Variants in CCDC12 observed in about 807,000 individuals in gnomAD.
CCDC12 encodes the protein coiled-coil domain-containing protein 12.
CCDC12 carries 28 observed loss-of-function variants against 25.7 expected under a neutral mutation model. The observed-to-expected ratio is 1.09, with a 90% CI of 0.81 to 1.50. CCDC12 has a LOEUF of 1.50. Among genes scored for constraint, CCDC12 ranks in the 40% most tolerant of loss-of-function variants. The pLI is 0.00. For synonymous variants in CCDC12, 75 were observed against 87.7 expected (o/e 0.86, Z 0.81); for missense variants, 198 against 210.0 (o/e 0.94, Z 0.35).
At position 46,940,988 on chromosome 3, in the gene CCDC12, C is replaced by A. The variant is rs192037561; in HGVS notation, c.164+10G>T. 1.2e-6 allele frequency: 2 copies of A among 1,613,590 alleles called. No individual in the cohort carries two copies. The highest frequency in any genetic ancestry group is 8.5e-7 in the Non-Finnish European group (1 of 1,179,480). ...AGAGAGCAGACCCTGGAGCTGCACA[C>A]GGGCATTACCTGTGCTTCTCGCCTT... is the stretch of plus-strand genomic sequence containing the variant. On this transcript the variant is annotated intron_variant, in intron 2 of 6. Coordinates refer to ENST00000683445, the MANE Select transcript of CCDC12 (RefSeq NM_001277074.2).
At chr3:46,965,370 G>A (rs2034608428) in intron 1 of CCDC12, among the ~76,000 whole-genome samples, 1 of 152,198 alleles carries the variant, frequency 6.6e-6, no homozygotes, top group African/African-American at 2.4e-5. Flanking sequence ...CAGCAAGAAA[G>A]AGGAACCTTG....
At position 46,928,428 on chromosome 3, in the gene CCDC12, G is replaced by C. The variant is rs184875406; in HGVS notation, c.165-2893C>G. Among the ~76,000 whole-genome samples the C allele has an allele frequency of 9.2e-5, 14 of 152,318 alleles. 1 individual carries two copies. Among genetic ancestry groups the C allele is most frequent in the Admixed American group, 9.1e-4 (14 of 15,304 alleles). ...AGCTGAAAAGCTGAGAGACTGAGCAGAGCTTCCCATTAGGTTGATGCAAAA... is the reference window on the plus strand; with the variant it reads ...AGCTGAAAAGCTGAGAGACTGAGCACAGCTTCCCATTAGGTTGATGCAAAA... On this transcript the variant is annotated intron_variant, in intron 2 of 6. Coordinates refer to ENST00000683445, the MANE Select transcript of CCDC12 (RefSeq NM_001277074.2).
At position 46,963,920 on chromosome 3, in the gene CCDC12, G is replaced by A. The variant is rs959689025; in HGVS notation, c.96+12717C>T. ...GAGCATCTCTGCCTGGCCGCCCATC[G>A]TCTGGGATGTGAGGAGCCCCTCTGC... On this transcript the variant is annotated intron_variant, in intron 1 of 6. Coordinates refer to ENST00000683445, the MANE Select transcript of CCDC12 (RefSeq NM_001277074.2). Among the ~76,000 whole-genome samples the A allele has an allele frequency of 7.3e-5, 11 of 151,456 alleles. 1 individual carries two copies. The highest frequency in any genetic ancestry group is 4.1e-4 in the South Asian group (2 of 4,826).
At chr3:46,978,937 C>G (rs746139391), upstream of CCDC12, among the ~76,000 whole-genome samples, 7 of 152,218 alleles carry the variant, frequency 4.6e-5, no homozygotes, top group African/African-American at 1.7e-4. Flanking sequence ...GAGCCGAGAT[C>G]GAGTCACTGC....
At chr3:46,950,991 A>G (rs746059070) in intron 1 of CCDC12, among the ~76,000 whole-genome samples, 13 of 152,178 alleles carry the variant, frequency 8.5e-5, no homozygotes, top group Non-Finnish European at 1.6e-4. Flanking sequence ...CTGTAATCCC[A>G]GCATTTCGGG....
At chr3:46,946,473 GT>G (rs1559556589) in intron 1 of CCDC12, among the ~76,000 whole-genome samples, 1 of 152,242 alleles carries the variant, frequency 6.6e-6, no homozygotes. Context: ...CCTGGGAGTG[GT>G]AACTGCCTAC....
upstream of CCDC12, among the ~76,000 whole-genome samples, chr3:46,978,740 T>A (rs962274015): frequency 2.2e-4 from 33 of 152,000 alleles, no homozygotes; most frequent in African/African-American, 7.7e-4. Flanking sequence ...TCCCAGCACT[T>A]TGGGAGGTCG....
chr3:46,979,848 A>AGCCGG (rs935514823), upstream of CCDC12: 9 of 450,766 alleles, frequency 2.0e-5, no homozygotes, highest in African/African-American at 1.4e-4. Context: ...GCAGGGCCGG[A>AGCCGG]GCCGGGCCGG....
chr3:46,967,535 G>T (rs1385728819), intron 1 of CCDC12, among the ~76,000 whole-genome samples: 2 of 152,132 alleles, frequency 1.3e-5, no homozygotes, highest in African/African-American at 4.8e-5. Flanking sequence ...CCCCGTCTCA[G>T]AACTCCCAGG....
intron 1 of CCDC12, among the ~76,000 whole-genome samples, chr3:46,947,243 G>C (rs2107152650): frequency 6.6e-6 from 1 of 152,298 alleles, no homozygotes; most frequent in African/African-American, 2.4e-5. Flanking sequence ...CCAGGGTGGG[G>C]AAAAAAGCAA....
At chr3:46,933,889 T>C (rs1211051210) in intron 2 of CCDC12, among the ~76,000 whole-genome samples, 1 of 151,672 alleles carries the variant, frequency 6.6e-6, no homozygotes, top group Non-Finnish European at 1.5e-5. Context: ...TTTTCTACAA[T>C]AAAAAAATCT....
chr3:46,974,589 G>A (rs2034909755), intron 1 of CCDC12, among the ~76,000 whole-genome samples: 3 of 152,074 alleles, frequency 2.0e-5, no homozygotes, highest in South Asian at 4.1e-4. Context: ...ATGTTCCACA[G>A]GCAGCCAACA....
rs142895674 is a variant in CCDC12 at position 46,922,246 on chromosome 3, G to A, written c.408C>T (p.Ala136=). The change falls in exon 6 of 7, where the codon GCC becomes GCT. Residue 136 remains alanine, a synonymous_variant. Coordinates refer to ENST00000683445, the MANE Select transcript of CCDC12 (RefSeq NM_001277074.2). ...AGGCACTGCACTTACGGATCAGCTC[G>A]GCAATGGCCCTCTGAGTCCGCTTTT... is the stretch of plus-strand genomic sequence containing the variant. ...KLKKRTQRAI[A]ELIRERLKGQ... The A allele has an allele frequency of 6.2e-5, 100 of 1,614,156 alleles. No homozygotes were observed. Among genetic ancestry groups the A allele is most frequent in the Middle Eastern group, 1.6e-4 (1 of 6,084 alleles).
At chr3:46,945,721 C>G (rs2033877527) in intron 1 of CCDC12, among the ~76,000 whole-genome samples, 1 of 152,170 alleles carries the variant, frequency 6.6e-6, no homozygotes, top group Non-Finnish European at 1.5e-5. Context: ...TCTTCTCCAG[C>G]CAGTGTTATT....
upstream of CCDC12, chr3:46,979,363 C>T (rs1483230216): frequency 6.6e-6 from 1 of 152,596 alleles, no homozygotes; most frequent in Non-Finnish European, 1.5e-5. Context: ...GTTGAAGGAC[C>T]CTCGCCACCT....
chr3:46,981,893 C>T (rs2035372493), intron 1 of CCDC12: 1 of 152,294 alleles, frequency 6.6e-6, no homozygotes, highest in Non-Finnish European at 1.5e-5. Flanking sequence ...GGTTATGGCT[C>T]ATATCTGTGC....
chr3:46,923,527 G>A, intron 4 of CCDC12, 80 bp downstream of exon 4: 1 of 1,491,830 alleles, frequency 6.7e-7, no homozygotes, highest in Non-Finnish European at 9.2e-7. Context: ...GAAGGAATGG[G>A]GGGCAGAGGG....
intron 1 of CCDC12, among the ~76,000 whole-genome samples, chr3:46,958,068 T>C (rs955475766): frequency 6.7e-6 from 1 of 149,796 alleles, no homozygotes. Context: ...CCACCAAGAG[T>C]TTGGCCTAGG....
At chr3:46,925,368 C>A (rs2032903462) in intron 3 of CCDC12, 88 bp downstream of exon 3, 4 of 1,122,746 alleles carry the variant, frequency 3.6e-6, no homozygotes, top group African/African-American at 1.5e-5. Flanking sequence ...CCTGGTACTG[C>A]TGGTTATTCT....
Sources: allele counts gnomAD v4.1 joint callset (sites outside exome capture counted in the v4.1 genomes callset), GRCh38; gene constraint gnomAD v4.1.1; transcripts MANE v1.5; gene names NCBI Gene and HGNC (gene_info 2026-07-23, HGNC 2026-07-21).